Variants in PTPRT observed in about 807,000 individuals in gnomAD.
PTPRT encodes the protein protein tyrosine phosphatase receptor type T.
A neutral mutation model predicts 176.8 loss-of-function variants in PTPRT; 56 were observed. The observed-to-expected ratio is 0.32, with a 90% confidence interval of 0.26 to 0.40. PTPRT has a LOEUF of 0.40. Among genes scored for constraint, PTPRT ranks in the 10% least tolerant of loss-of-function variants. The pLI is 1.00. For missense variants in PTPRT, 1,540 were observed against 1,908.2 expected (o/e 0.81, Z 3.60); for synonymous variants, 783 against 739.0 (o/e 1.06, Z -0.96).
chr20:42,876,016 A>G (rs2078923817), intron 2 of PTPRT, among the ~76,000 whole-genome samples: 1 of 152,146 alleles, frequency 6.6e-6, no homozygotes, highest in East Asian at 1.9e-4. Flanking sequence ...ATTACCACAT[A>G]CAGATACTCT....
rs74273947 is a variant in PTPRT, at chr20:42,881,789, A to G, written c.214+4018T>C. 2.8e-4 allele frequency among the ~76,000 whole-genome samples: 43 copies of G among 152,150 alleles called. No individual in the cohort carries two copies. In the East Asian group the frequency reaches 8.3e-3, roughly 29 times the overall value. On this transcript the variant is annotated intron_variant, in intron 2 of 30. Coordinates refer to ENST00000373187, the MANE Select transcript of PTPRT (RefSeq NM_007050.6). ...ACCAAAGAACGAAAGAGAAATCAAC[A>G]AAGTGAAGAATTGAGAAAACAAATT...
chr20:42,158,005 G>A (rs1023654943), intron 17 of PTPRT, among the ~76,000 whole-genome samples: 3 of 152,216 alleles, frequency 2.0e-5, no homozygotes, highest in Non-Finnish European at 4.4e-5. Flanking sequence ...ATGTTCAGAT[G>A]ATTCCAGCCC....
chr20:42,667,876 G>A (rs1285517605), intron 7 of PTPRT, among the ~76,000 whole-genome samples: 7 of 152,158 alleles, frequency 4.6e-5, no homozygotes, highest in African/African-American at 4.8e-5. Context: ...GGGAGAGGGC[G>A]AGGAAGTGCA....
At chr20:42,943,107 G>A (rs1020502580) in intron 1 of PTPRT, among the ~76,000 whole-genome samples, 1 of 152,192 alleles carries the variant, frequency 6.6e-6, no homozygotes, top group Non-Finnish European at 1.5e-5. Context: ...CGCAACTTGA[G>A]GAAAAGAGTC....
intron 1 of PTPRT, among the ~76,000 whole-genome samples, chr20:42,992,641 G>C (rs982044072): frequency 1.3e-5 from 2 of 152,220 alleles, no homozygotes; most frequent in African/African-American, 2.4e-5. Flanking sequence ...GACTTGACTA[G>C]GGAGACTGTT....
At chr20:42,610,397 T>G (rs55799500) in intron 7 of PTPRT, among the ~76,000 whole-genome samples, 10,424 of 151,552 alleles carry the variant, frequency 0.069, 1,203 homozygotes, top group African/African-American at 0.23. Flanking sequence ...TTTTTGTTTT[T>G]TTTTTTGAGA....
intron 1 of PTPRT, among the ~76,000 whole-genome samples, chr20:43,175,106 G>C (rs1351203453): frequency 6.6e-6 from 1 of 152,220 alleles, no homozygotes; most frequent in Admixed American, 6.5e-5. Context: ...TAAGGCCAAA[G>C]GCTGTCCTAT....
intron 7 of PTPRT, among the ~76,000 whole-genome samples, chr20:42,633,996 ATATT>A (rs2074504271): frequency 3.9e-5 from 1 of 25,416 alleles, no homozygotes. Flanking sequence ...TATATTATAT[ATATT>A]ATATATATAT....
intron 16 of PTPRT, among the ~76,000 whole-genome samples, chr20:42,182,219 C>T (rs774446599): frequency 6.6e-6 from 1 of 152,172 alleles, no homozygotes; most frequent in South Asian, 2.1e-4. Flanking sequence ...TTTACTTCAT[C>T]TGGAGGGCAA....
rs1983102384 is a variant in PTPRT at position 42,079,468 on chromosome 20, A to T, written c.*1411T>A. The T allele has an allele frequency of 4.5e-6, 1 of 220,988 alleles. No individual in the cohort carries two copies. The highest frequency in any genetic ancestry group is 9.1e-6 in the Non-Finnish European group (1 of 110,400). The allele number at this position is 220,988 out of a possible 1,614,324, so 13.7% of individuals were successfully genotyped here. On this transcript the variant is annotated 3_prime_UTR_variant, in exon 31 of 31. Transcript: ENST00000373187. ...TTTCCTCATTGGAGGAGATGATCAA[A>T]TGGAGATGATAACAAGTCAGTAGCT...
At chr20:42,965,597 A>G (rs189743369) in intron 1 of PTPRT, among the ~76,000 whole-genome samples, 361 of 152,334 alleles carry the variant, frequency 2.4e-3, no homozygotes, top group African/African-American at 8.5e-3. Context: ...GGCTGATTCC[A>G]GCATATCACC....
chr20:42,512,542 C>T (rs1211648353), intron 7 of PTPRT, among the ~76,000 whole-genome samples: 2 of 152,060 alleles, frequency 1.3e-5, no homozygotes, highest in Non-Finnish European at 2.9e-5. Flanking sequence ...TTGTTGAAGG[C>T]CACATCTTCT....
At chr20:42,321,276 G>C (rs2057795210) in intron 11 of PTPRT, among the ~76,000 whole-genome samples, 1 of 152,130 alleles carries the variant, frequency 6.6e-6, no homozygotes, top group East Asian at 1.9e-4. Context: ...TAATTACCCA[G>C]AGGGCTTTCA....
intron 9 of PTPRT, among the ~76,000 whole-genome samples, chr20:42,361,113 T>C (rs1568810058): frequency 6.6e-6 from 1 of 152,102 alleles, no homozygotes; most frequent in Non-Finnish European, 1.5e-5. Flanking sequence ...GAGGGGCTGA[T>C]TGAGGGGAGG....
intron 12 of PTPRT, among the ~76,000 whole-genome samples, chr20:42,297,846 A>C (rs2057410385): frequency 6.6e-6 from 1 of 152,204 alleles, no homozygotes. Flanking sequence ...TTAGATCCAT[A>C]ATTTACATCA....
intron 6 of PTPRT, among the ~76,000 whole-genome samples, chr20:42,753,673 C>T (rs544817275): frequency 6.6e-6 from 1 of 152,250 alleles, no homozygotes; most frequent in East Asian, 1.9e-4. Flanking sequence ...TGCACCCAGG[C>T]TAGCACCAGC....
rs191200120 is a variant in PTPRT at position 42,345,744 on chromosome 20, A to T, written c.1865+4884T>A. On this transcript the variant is annotated intron_variant, in intron 11 of 30. Transcript: ENST00000373187. Reference sequence around the variant, plus strand: ...AGAAACAACAGAAAACAAAACAAAAAATATATATATATGAACAGCTGTATA... The same window carrying T: ...AGAAACAACAGAAAACAAAACAAAATATATATATATATGAACAGCTGTATA... 2.1e-3 allele frequency among the ~76,000 whole-genome samples: 315 copies of T among 151,406 alleles called. 3 individuals are homozygous for T. The highest frequency in any genetic ancestry group is 7.1e-3 in the African/African-American group (294 of 41,316).
intron 2 of PTPRT, among the ~76,000 whole-genome samples, chr20:42,841,126 A>G (rs2078270364): frequency 6.6e-6 from 1 of 152,114 alleles, no homozygotes; most frequent in African/African-American, 2.4e-5. Context: ...CTCAGCCACA[A>G]AGCAGATATC....
chr20:42,181,718 G>A (rs1357003015), intron 16 of PTPRT, among the ~76,000 whole-genome samples: 3 of 152,118 alleles, frequency 2.0e-5, no homozygotes, highest in African/African-American at 7.2e-5. Context: ...GTATTCATAG[G>A]CCAAGCACCA....
Sources: allele counts gnomAD v4.1 joint callset (sites outside exome capture counted in the v4.1 genomes callset), GRCh38; gene constraint gnomAD v4.1.1; transcripts MANE v1.5; gene names NCBI Gene and HGNC (gene_info 2026-07-23, HGNC 2026-07-21).